The following MGA variants were observed in gnomAD, a reference collection of about 807,000 sequenced individuals.
MGA encodes MAX dimerization protein MGA.
MGA carries 40 observed loss-of-function variants against 261.1 expected under a neutral mutation model. The observed-to-expected ratio is 0.15, with a 90% CI of 0.12 to 0.20. MGA has a LOEUF of 0.20. Among genes scored for constraint, MGA ranks in the 10% least tolerant of loss-of-function variants. MGA has a pLI of 1.00. For synonymous variants in MGA, 1,302 were observed against 1,290.6 expected, an observed-to-expected ratio of 1.01 and a Z score of -0.19; for missense variants, 3,397 against 3,630.5, an observed-to-expected ratio of 0.94 and a Z score of 1.65.
At chr15:41,674,590 GCTC>G (rs2058274564) in intron 2 of MGA, among the ~76,000 whole-genome samples, 1 of 151,984 alleles carries the variant, frequency 6.6e-6, no homozygotes, top group South Asian at 2.1e-4. Flanking sequence ...CGTGATCTGG[GCTC>G]ACTGCAACCT....
chr15:41,711,222 C>A lies in MGA; in HGVS notation c.2957C>A (p.Pro986Gln). 1 of 1,614,034 alleles carries A rather than the reference C, an allele frequency of 6.2e-7. No individual in the cohort carries two copies. The highest frequency in any genetic ancestry group is 1.3e-5 in the African/African-American group (1 of 75,036). ...CAACAGCAACAGGGAAGTCGCCCTC[C>A]AGGCTTGTCTAAATCTCAGGTGAAG... The change falls in exon 8 of 24, where the codon CCA becomes CAA. Residue 986 changes from proline to glutamine, a missense_variant. Pro to Gln is a moderately conservative substitution (Grantham distance 76). Transcript: ENST00000219905.
Position 41,769,492 on chromosome 15 carries a change from G to A in MGA, c.*2212G>A, listed in dbSNP as rs537281122. 1 of 152,128 alleles carries A rather than the reference G, an allele frequency of 6.6e-6. No homozygotes were observed. Among genetic ancestry groups the A allele is most frequent in the African/African-American group, 2.4e-5 (1 of 41,480 alleles). 9.4% of individuals were successfully genotyped at this position (152,128 alleles called of 1,614,324 possible). A position where few individuals can be genotyped will look rare whatever the true frequency, so the allele number is the denominator to read the frequency against. On this transcript the variant is annotated 3_prime_UTR_variant, in exon 24 of 24. Coordinates refer to ENST00000219905, the MANE Select transcript of MGA (RefSeq NM_001164273.2). The stretch of plus-strand genomic sequence containing the variant: ...TGTTCTCAAGACCTCTTAGAACTAG[G>A]TGTTGTCAGGGATAATTTGAGGAGG...
chr15:41,675,664 A>C (rs968055679), intron 2 of MGA, among the ~76,000 whole-genome samples: 1 of 152,222 alleles, frequency 6.6e-6, no homozygotes, highest in Admixed American at 6.5e-5. Flanking sequence ...GGAGTGAGCC[A>C]CTGTGCCCGG....
chr15:41,705,683 C>T (rs1187799899), intron 5 of MGA, among the ~76,000 whole-genome samples: 2 of 152,156 alleles, frequency 1.3e-5, no homozygotes, highest in Admixed American at 1.3e-4. Context: ...TTTTATCTCT[C>T]TGAGATCACC....
At position 41,667,949 on chromosome 15, in the gene MGA, G is replaced by A. The variant is rs762747399; in HGVS notation, c.-67-879G>A. Among the ~76,000 whole-genome samples, 16 of 151,946 alleles carry A rather than the reference G, an allele frequency of 1.1e-4. No individual in the cohort carries two copies. In the South Asian group the frequency reaches 2.1e-3, roughly 20 times the overall value. On this transcript the variant is annotated intron_variant, in intron 1 of 23. Coordinates refer to ENST00000219905, the MANE Select transcript of MGA (RefSeq NM_001164273.2). ...CTCCTGAGTAGCTGGGACTACAGGC[G>A]TGCACCACCACACCAGGCTAATTTT...
At chr15:41,644,346 CAAAAAAAAAAA>C (rs34743222) in intron 1 of MGA, among the ~76,000 whole-genome samples, 2 of 65,696 alleles carry the variant, frequency 3.0e-5, no homozygotes, top group African/African-American at 5.8e-5. Context: ...CCATCTGTAC[CAAAAAAAAAAA>C]AAAAAAAAAA....
intron 1 of MGA, among the ~76,000 whole-genome samples, chr15:41,633,017 T>A (rs1374568188): frequency 6.6e-6 from 1 of 151,710 alleles, no homozygotes; most frequent in Admixed American, 6.6e-5. Flanking sequence ...AATGACATGA[T>A]CTCAGCTCAC....
intron 9 of MGA, among the ~76,000 whole-genome samples, chr15:41,719,179 C>T (rs1383195118): frequency 6.6e-6 from 1 of 152,046 alleles, no homozygotes; most frequent in East Asian, 1.9e-4. Context: ...TTAAGGATAA[C>T]TTTGATAAAA....
At chr15:41,643,526 C>A (rs1438956979) in intron 1 of MGA, among the ~76,000 whole-genome samples, 2 of 152,056 alleles carry the variant, frequency 1.3e-5, no homozygotes, top group Non-Finnish European at 2.9e-5. Flanking sequence ...AGGGGTGAGC[C>A]ACTGCGCCTG....
chr15:41,766,912 G>T lies in MGA; in HGVS notation c.8830G>T (p.Ala2944Ser), dbSNP rs750283621. 3 of 1,614,008 alleles carry T rather than the reference G, an allele frequency of 1.9e-6. No individual in the cohort carries two copies. The highest frequency in any genetic ancestry group is 2.5e-6 in the Non-Finnish European group (3 of 1,179,904). ...GGATTCCCTCCTTTCCAACAAGAAA[G>T]CTATTGATGGAGGGAAGAATACTTC... Residue 2944 changes from alanine (A) to serine (S), a missense_variant, in exon 24 of 24, where the codon GCT (alanine) becomes TCT (serine). Ala to Ser is a moderately conservative substitution (Grantham distance 99, BLOSUM62 1). This residue lies in a region of MGA where 647 missense variants were observed against 642.4 expected (regional missense o/e 1.01). Coordinates refer to ENST00000219905, the MANE Select transcript of MGA (RefSeq NM_001164273.2).
chr15:41,629,105 CAAAAAAAAA>C (rs71108108), intron 1 of MGA, among the ~76,000 whole-genome samples: 2 of 78,078 alleles, frequency 2.6e-5, no homozygotes, highest in African/African-American at 9.7e-5. Flanking sequence ...GACTTCGTCT[CAAAAAAAAA>C]AAAAAAAAAA....
intron 5 of MGA, among the ~76,000 whole-genome samples, chr15:41,704,626 C>T (rs143490816): frequency 6.6e-6 from 1 of 152,204 alleles, no homozygotes; most frequent in African/African-American, 2.4e-5. Flanking sequence ...CCACTGCACT[C>T]CAGCCTGGGT....
In MGA at chr15:41,673,888, A is replaced by G. The variant is rs1415370518; in HGVS notation, c.1064+3930A>G. 2.0e-5 allele frequency among the ~76,000 whole-genome samples: 3 copies of G among 151,456 alleles called. No homozygotes were observed. The South Asian group carries it at 6.2e-4, about 31-fold the overall frequency. ...TGACTTTGACCTCTTCTCCCATCTA[A>G]TACTGATTATTGTTATGTTTTGAGA... is the stretch of plus-strand genomic sequence containing the variant. On this transcript the variant is annotated intron_variant, in intron 2 of 23. Transcript: ENST00000219905.
intron 1 of MGA, among the ~76,000 whole-genome samples, chr15:41,653,384 A>G (rs2057107259): frequency 6.6e-6 from 1 of 151,746 alleles, no homozygotes; most frequent in Non-Finnish European, 1.5e-5. Flanking sequence ...AAAAAACAAC[A>G]AAAAACAACA....
At chr15:41,711,852 C>A (rs1480027450) in intron 8 of MGA, among the ~76,000 whole-genome samples, 1 of 152,080 alleles carries the variant, frequency 6.6e-6, no homozygotes, top group Non-Finnish European at 1.5e-5. Context: ...CATACCACTG[C>A]ACCTGGCTAA....
intron 1 of MGA, among the ~76,000 whole-genome samples, chr15:41,633,820 TAC>T (rs1456976439): frequency 6.6e-6 from 1 of 152,156 alleles, no homozygotes; most frequent in Non-Finnish European, 1.5e-5. Flanking sequence ...CTCAAAACCT[TAC>T]AGTGACTTCC....
At chr15:41,646,534 G>A (rs1158516701) in intron 1 of MGA, among the ~76,000 whole-genome samples, 7 of 151,890 alleles carry the variant, frequency 4.6e-5, no homozygotes, top group Admixed American at 3.9e-4. Flanking sequence ...TGTTGGCCAG[G>A]TTGGTCTCGA....
intron 13 of MGA, 88 bp downstream of exon 13, chr15:41,736,786 T>G (rs2061801215): frequency 1.6e-5 from 22 of 1,348,422 alleles, no homozygotes; most frequent in Non-Finnish European, 2.1e-5. Context: ...GGTCCTGATA[T>G]CCTTTATCTT....
chr15:41,754,571 A>G lies in MGA; in HGVS notation c.7139+4A>G. On this transcript the variant is annotated splice_donor_region_variant and intron_variant, in intron 18 of 23. Coordinates refer to ENST00000219905, the MANE Select transcript of MGA (RefSeq NM_001164273.2). ...ACACACAGTCATTCAAACAGCCGTAAGTCTTATTTCTCTTTGGATTGTTGT... is the reference window on the plus strand; with the variant it reads ...ACACACAGTCATTCAAACAGCCGTAGGTCTTATTTCTCTTTGGATTGTTGT... 1 of 1,568,718 alleles carries G rather than the reference A, an allele frequency of 6.4e-7. No homozygotes were observed. The highest frequency in any genetic ancestry group is 1.2e-5 in the South Asian group (1 of 83,952).
Sources: allele counts gnomAD v4.1 joint callset (sites outside exome capture counted in the v4.1 genomes callset), GRCh38; gene constraint gnomAD v4.1.1; regional missense constraint gnomAD v4.1.1; transcripts MANE v1.5; gene names NCBI Gene and HGNC (gene_info 2026-07-23, HGNC 2026-07-21).